Variants in KIFAP3 observed in about 807,000 individuals in gnomAD.
KIFAP3 encodes the protein kinesin associated protein 3.
A neutral mutation model predicts 106.5 loss-of-function variants in KIFAP3; 68 were observed. The observed-to-expected ratio is 0.64, with a 90% CI of 0.53 to 0.78. KIFAP3 has a LOEUF of 0.78. Among genes scored for constraint, KIFAP3 ranks in the 30% least tolerant of loss-of-function variants. The pLI is 0.00. For synonymous variants in KIFAP3, 320 were observed against 311.5 expected (o/e 1.03, Z -0.29); for missense variants, 780 against 941.8 (o/e 0.83, Z 2.25).
In KIFAP3 at chr1:170,074,672, G is replaced by T; in HGVS notation, c.-205C>A. On this transcript the variant is annotated 5_prime_UTR_variant, in exon 1 of 20. Transcript: ENST00000361580. ...TTCTGTGCCCCAAAACACTGGAGCG[G>T]CCCAGACCCGCCCAGAGTCGCCTAA... The T allele has an allele frequency of 7.0e-7, 1 of 1,424,454 alleles. No individual in the cohort carries two copies. The allele number at this position is 1,424,454 out of a possible 1,614,324, so 88.2% of individuals were successfully genotyped here.
intron 15 of KIFAP3, among the ~76,000 whole-genome samples, chr1:169,979,611 T>C (rs185861149): frequency 2.0e-5 from 3 of 152,174 alleles, no homozygotes; most frequent in East Asian, 3.9e-4. Context: ...ATGGCTACAA[T>C]TGAAAGGACT....
intron 19 of KIFAP3, among the ~76,000 whole-genome samples, chr1:169,923,811 C>T (rs1385995039): frequency 6.6e-6 from 1 of 152,196 alleles, no homozygotes; most frequent in Non-Finnish European, 1.5e-5. Flanking sequence ...TGGCACAGAA[C>T]AAGGAGCGTC....
intron 19 of KIFAP3, chr1:169,922,991 G>T: frequency 2.3e-6 from 1 of 440,038 alleles, no homozygotes; most frequent in Non-Finnish European, 3.0e-6. Context: ...GTGTGTTTGT[G>T]TGCACGCGTG....
chr1:169,973,717 T>G (rs573319925), intron 16 of KIFAP3, among the ~76,000 whole-genome samples: 1 of 151,962 alleles, frequency 6.6e-6, no homozygotes, highest in Non-Finnish European at 1.5e-5. Flanking sequence ...GGGAAATAAC[T>G]GTCAACCTAG....
At chr1:170,049,470 A>G (rs967551493) in intron 2 of KIFAP3, among the ~76,000 whole-genome samples, 2 of 152,226 alleles carry the variant, frequency 1.3e-5, no homozygotes, top group Admixed American at 6.5e-5. Flanking sequence ...CTCCCAGCAC[A>G]GCACACCAGC....
At chr1:170,050,221 C>T (rs926716447) in intron 2 of KIFAP3, among the ~76,000 whole-genome samples, 3 of 152,048 alleles carry the variant, frequency 2.0e-5, no homozygotes, top group South Asian at 2.1e-4. Flanking sequence ...ATAGCCAAAT[C>T]GATCAAGCAG....
intron 10 of KIFAP3, among the ~76,000 whole-genome samples, chr1:170,012,921 C>T (rs932085578): frequency 4.6e-5 from 7 of 152,184 alleles, no homozygotes; most frequent in Middle Eastern, 3.4e-3. Context: ...GAACACTATG[C>T]GGAAAATGCC....
chr1:170,063,391 G>C lies in KIFAP3; in HGVS notation c.33-7955C>G, dbSNP rs554739488. Among the ~76,000 whole-genome samples, 17 of 152,202 alleles carry C rather than the reference G, an allele frequency of 1.1e-4. No homozygotes were observed. The East Asian group carries it at 2.7e-3, about 24-fold the overall frequency. On this transcript the variant is annotated intron_variant, in intron 1 of 19. Transcript: ENST00000361580. Reference sequence around the variant, plus strand: ...AACTGGTTCTGTGATCCCCACCCAGGAACTGACTCAGCACAAGAAGATAGC... The same window carrying C: ...AACTGGTTCTGTGATCCCCACCCAGCAACTGACTCAGCACAAGAAGATAGC...
intron 10 of KIFAP3, among the ~76,000 whole-genome samples, chr1:169,994,368 T>C (rs552213890): frequency 6.6e-6 from 1 of 152,178 alleles, no homozygotes; most frequent in South Asian, 2.1e-4. Context: ...TATCACAAGG[T>C]AAAACTGTTT....
chr1:169,954,118 GAA>G lies in KIFAP3; in HGVS notation c.2174-10_2174-9del. On this transcript the variant is annotated splice_polypyrimidine_tract_variant and intron_variant, in intron 18 of 19. Transcript: ENST00000361580. ...CAGAGGCAATTAATCCATCTAGAAA[GAA>G]AAAAAAATGGTAACCAGTAAAACAT... The G allele has an allele frequency of 6.6e-7, 1 of 1,525,230 alleles. No homozygotes were observed. The highest frequency in any genetic ancestry group is 9.0e-7 in the Non-Finnish European group (1 of 1,114,706). 94.5% of individuals were successfully genotyped at this position (1,525,230 alleles called of 1,614,324 possible). A position where few individuals can be genotyped will look rare whatever the true frequency, so the allele number is the denominator to read the frequency against.
intron 16 of KIFAP3, among the ~76,000 whole-genome samples, chr1:169,975,994 T>C (rs1666204603): frequency 3.9e-5 from 6 of 152,068 alleles, no homozygotes; most frequent in Admixed American, 3.9e-4. Context: ...TGGGGGAAAA[T>C]GCAAAGAAAG....
intron 1 of KIFAP3, among the ~76,000 whole-genome samples, chr1:170,065,815 A>G (rs1671416228): frequency 1.3e-5 from 2 of 152,144 alleles, no homozygotes; most frequent in African/African-American, 4.8e-5. Context: ...TTCATTAGCC[A>G]TACAGCCAGT....
At chr1:170,084,271 C>T (rs1672067785) in intron 1 of KIFAP3, among the ~76,000 whole-genome samples, 1 of 152,196 alleles carries the variant, frequency 6.6e-6, no homozygotes, top group South Asian at 2.1e-4. Context: ...CTCTGTTCTA[C>T]TGCATATACT....
rs181821761 is a variant in KIFAP3 at position 170,013,981 on chromosome 1, A to G, written c.1183+2481T>C. ...CATAGATTTTATGACATCTTTTTCT[A>G]TCATCACCCACATCCAAACAGTAAC... On this transcript the variant is annotated intron_variant, in intron 10 of 19. Transcript: ENST00000361580. Among the ~76,000 whole-genome samples, 1,113 of 152,212 alleles carry G rather than the reference A, an allele frequency of 7.3e-3. 8 individuals carry two copies. Among genetic ancestry groups the G allele is most frequent in the Non-Finnish European group, 0.012 (846 of 68,002 alleles).
intron 19 of KIFAP3, among the ~76,000 whole-genome samples, chr1:169,947,294 C>T (rs1156366608): frequency 2.6e-5 from 4 of 151,834 alleles, no homozygotes; most frequent in Admixed American, 6.6e-5. Context: ...ATTTTTAGAT[C>T]AAATCATATA....
At chr1:170,008,989 A>G (rs1668109176) in intron 10 of KIFAP3, among the ~76,000 whole-genome samples, 2 of 152,162 alleles carry the variant, frequency 1.3e-5, no homozygotes, top group Admixed American at 6.5e-5. Flanking sequence ...GAAGCTGGAA[A>G]CCATCATTCT....
At position 170,031,933 on chromosome 1, in the gene KIFAP3, A is replaced by C. The variant is rs1462721374; in HGVS notation, c.794T>G (p.Phe265Cys). Reference protein sequence around the residue: ...QTLRKDYEKTFKKYQGLVVKQ... With the variant: ...QTLRKDYEKTCKKYQGLVVKQ... Reference sequence around the variant, plus strand: ...TACCACAAGCCCCTGGTACTTTTTAAAGGTTTTTTCATAATCCTTTCTCAA... The same window carrying C: ...TACCACAAGCCCCTGGTACTTTTTACAGGTTTTTTCATAATCCTTTCTCAA... Residue 265 changes from phenylalanine (F) to cysteine (C), a missense_variant, in exon 8 of 20, where the codon TTT becomes TGT. Physicochemically the swap from Phe to Cys is radical, Grantham distance 205 (BLOSUM62 -2). Coordinates refer to ENST00000361580, the MANE Select transcript of KIFAP3 (RefSeq NM_014970.4). 1.2e-6 allele frequency: 2 copies of C among 1,611,194 alleles called. No individual in the cohort carries two copies. Among genetic ancestry groups the C allele is most frequent in the Non-Finnish European group, 1.7e-6 (2 of 1,177,960 alleles).
intron 19 of KIFAP3, among the ~76,000 whole-genome samples, chr1:169,927,894 T>C (rs1414713773): frequency 1.3e-5 from 2 of 151,792 alleles, no homozygotes; most frequent in African/African-American, 4.8e-5. Context: ...TACTGGAGAG[T>C]TGTCAATGGT....
At chr1:169,977,968 T>C in intron 16 of KIFAP3, 117 bp downstream of exon 16, 1 of 707,710 alleles carries the variant, frequency 1.4e-6, no homozygotes, top group Admixed American at 2.8e-5. Flanking sequence ...TAAATTTATC[T>C]CAAAACTTAG....
Sources: allele counts gnomAD v4.1 joint callset (sites outside exome capture counted in the v4.1 genomes callset), GRCh38; gene constraint gnomAD v4.1.1; transcripts MANE v1.5; gene names NCBI Gene and HGNC (gene_info 2026-07-23, HGNC 2026-07-21).